SCHIP1: variants seen among roughly 807,000 people sequenced by gnomAD.
SCHIP1 encodes the protein schwannomin interacting protein 1.
A neutral mutation model predicts 29.7 loss-of-function variants in SCHIP1; 8 were observed. The observed-to-expected ratio is 0.27, with a 90% CI of 0.16 to 0.49. The LOEUF is 0.49. Ranked by LOEUF, SCHIP1 falls within the 20% of genes least tolerant of loss-of-function variation. SCHIP1 has a pLI of 0.99. For missense variants in SCHIP1, 193 were observed against 294.6 expected, an observed-to-expected ratio of 0.66 and a Z score of 2.52; for synonymous variants, 76 against 94.9, an observed-to-expected ratio of 0.80 and a Z score of 1.16.
the SCHIP1 span, among the ~76,000 whole-genome samples, chr3:159,671,011 G>A: frequency 2.0e-5 from 3 of 152,122 alleles, no homozygotes. Flanking sequence ...ATTAAACCAA[G>A]TATAGGACTC....
chr3:159,763,478 C>T, the SCHIP1 span, among the ~76,000 whole-genome samples: 2 of 152,290 alleles, frequency 1.3e-5, no homozygotes, highest in South Asian at 2.1e-4. Flanking sequence ...CCCAGCGCGC[C>T]GCCCTTGCTA....
At chr3:159,279,023 C>A in the SCHIP1 span, among the ~76,000 whole-genome samples, 8 of 152,148 alleles carry the variant, frequency 5.3e-5, no homozygotes, top group South Asian at 1.2e-3. Context: ...TCTAGTGGGC[C>A]CATTCTGAAA....
the SCHIP1 span, among the ~76,000 whole-genome samples, chr3:159,772,416 T>C: frequency 6.6e-6 from 1 of 152,220 alleles, no homozygotes; most frequent in African/African-American, 2.4e-5. Context: ...GTGCTGGGAT[T>C]ATAGGCGTGA....
chr3:159,781,888 C>T, the SCHIP1 span, among the ~76,000 whole-genome samples: 1 of 152,206 alleles, frequency 6.6e-6, no homozygotes, highest in African/African-American at 2.4e-5. Context: ...ATCTAGAAAA[C>T]AGCCAGAAAT....
the SCHIP1 span, among the ~76,000 whole-genome samples, chr3:159,646,933 G>C: frequency 2.6e-5 from 4 of 152,096 alleles, no homozygotes; most frequent in Admixed American, 6.6e-5. Context: ...CACCAGCACT[G>C]TCTGCCCCAT....
chr3:159,568,833 T>C, the SCHIP1 span, among the ~76,000 whole-genome samples: 1 of 152,174 alleles, frequency 6.6e-6, no homozygotes, highest in African/African-American at 2.4e-5. Flanking sequence ...CAGATCTCCC[T>C]CAACAATTAT....
At chr3:159,818,392 C>T in the SCHIP1 span, among the ~76,000 whole-genome samples, 1 of 152,230 alleles carries the variant, frequency 6.6e-6, no homozygotes, top group Non-Finnish European at 1.5e-5. Context: ...CACTTGGAAA[C>T]CTCCTGACAT....
At chr3:159,281,860 C>A in the SCHIP1 span, among the ~76,000 whole-genome samples, 2 of 152,068 alleles carry the variant, frequency 1.3e-5, no homozygotes, top group African/African-American at 4.8e-5. Context: ...CCAACAAAGA[C>A]CCCTATTGTT....
the SCHIP1 span, among the ~76,000 whole-genome samples, chr3:159,664,706 T>A: frequency 3.9e-5 from 6 of 152,204 alleles, no homozygotes; most frequent in Admixed American, 1.3e-4. Context: ...CACCATGTAT[T>A]TATAAGAGGC....
At chr3:159,835,689 G>A (rs1395918916), upstream of SCHIP1, among the ~76,000 whole-genome samples, 1 of 152,060 alleles carries the variant, frequency 6.6e-6, no homozygotes, top group Non-Finnish European at 1.5e-5. Flanking sequence ...AATGTGTATT[G>A]ACAAATATAC....
the SCHIP1 span, among the ~76,000 whole-genome samples, chr3:159,534,208 G>A: frequency 6.6e-6 from 1 of 152,084 alleles, no homozygotes; most frequent in Admixed American, 6.5e-5. Context: ...TCAGCCTCTT[G>A]CCAAGATAAA....
At chr3:159,375,072 CT>C in the SCHIP1 span, among the ~76,000 whole-genome samples, 2 of 151,716 alleles carry the variant, frequency 1.3e-5, no homozygotes, top group Admixed American at 1.3e-4. Context: ...TCCTTTTTAC[CT>C]TTTATAATGT....
chr3:159,658,135 A>G, the SCHIP1 span, among the ~76,000 whole-genome samples: 1 of 152,234 alleles, frequency 6.6e-6, no homozygotes, highest in Non-Finnish European at 1.5e-5. Context: ...AGACGTGTGA[A>G]TTCATTTCAT....
chr3:159,770,743 A>G, the SCHIP1 span, among the ~76,000 whole-genome samples: 1 of 152,142 alleles, frequency 6.6e-6, no homozygotes, highest in African/African-American at 2.4e-5. Context: ...GCTCTATTCC[A>G]TCTGCATCCT....
the SCHIP1 span, among the ~76,000 whole-genome samples, chr3:159,461,843 T>A: frequency 6.6e-6 from 1 of 152,154 alleles, no homozygotes; most frequent in Non-Finnish European, 1.5e-5. Context: ...ACGTTCATTG[T>A]GGAAAAATTA....
the SCHIP1 span, among the ~76,000 whole-genome samples, chr3:159,684,837 GA>G: frequency 0.021 from 2,886 of 136,900 alleles, 39 homozygotes; most frequent in East Asian, 0.055. Context: ...AAAGAAAAAA[GA>G]AAAAAAAAAA....
chr3:159,806,192 C>T, the SCHIP1 span, among the ~76,000 whole-genome samples: 2 of 145,832 alleles, frequency 1.4e-5, no homozygotes, highest in Non-Finnish European at 3.0e-5. Flanking sequence ...TTCCAACAAC[C>T]CCAAATACAC....
At chr3:159,327,260 C>T in the SCHIP1 span, among the ~76,000 whole-genome samples, 3 of 152,150 alleles carry the variant, frequency 2.0e-5, no homozygotes, top group Non-Finnish European at 4.4e-5. Flanking sequence ...GTCCCATCCT[C>T]CTCTTCCTCG....
upstream of SCHIP1, among the ~76,000 whole-genome samples, chr3:159,839,622 C>G (rs1385917827): frequency 1.3e-5 from 1 of 74,730 alleles, no homozygotes. Context: ...TCTTTAAGGT[C>G]TTTTTCTTTT....
Sources: gnomAD v4.1 joint callset for allele counts (sites outside exome capture counted in the v4.1 genomes callset) on GRCh38, gnomAD v4.1.1 for gene constraint, MANE v1.5 for transcripts, NCBI Gene and HGNC (gene_info 2026-07-23, HGNC 2026-07-21) for gene names.